The following ANAPC1 variants were observed in gnomAD, a reference collection of about 807,000 sequenced individuals.
The protein encoded by ANAPC1 is anaphase-promoting complex subunit 1.
A neutral mutation model predicts 208.0 loss-of-function variants in ANAPC1; 36 were observed. The observed-to-expected ratio is 0.17, with a 90% CI of 0.13 to 0.23. The LOEUF (loss-of-function observed/expected upper bound fraction) is 0.23. Ranked by LOEUF, ANAPC1 falls within the 10% of genes least tolerant of loss-of-function variation. The probability of loss-of-function intolerance (pLI) is 1.00; values close to 1 mark genes in which losing one functional copy is unlikely to be tolerated. For synonymous variants in ANAPC1, 378 were observed against 695.2 expected (o/e 0.54, Z 7.18); for missense variants, 942 against 2,011.6 (o/e 0.47, Z 10.17).
At chr2:111,784,287 C>A (rs763448886) in intron 41 of ANAPC1, 36 bp downstream of exon 41, 1 of 1,613,968 alleles carries the variant, frequency 6.2e-7, no homozygotes, top group Admixed American at 1.7e-5. Context: ...GTTGAATTGA[C>A]CCCTTGGACC....
chr2:111,834,221 T>C (rs1169218756), intron 19 of ANAPC1, among the ~76,000 whole-genome samples: 2 of 152,226 alleles, frequency 1.3e-5, no homozygotes, highest in Non-Finnish European at 2.9e-5. Context: ...TTTGAGACTT[T>C]ACATGTAAAC....
intron 47 of ANAPC1, 27 bp downstream of exon 47, chr2:111,772,314 G>A (rs772774311): frequency 9.3e-6 from 15 of 1,613,868 alleles, no homozygotes; most frequent in African/African-American, 5.3e-5. Flanking sequence ...CAGAGTTACT[G>A]AAGATAAGAC....
intron 13 of ANAPC1, among the ~76,000 whole-genome samples, chr2:111,855,142 G>A (rs1391739279): frequency 1.3e-5 from 2 of 152,168 alleles, no homozygotes; most frequent in Non-Finnish European, 2.9e-5. Context: ...AGTGAGGCAG[G>A]AGGAGACAGA....
At chr2:111,881,882 A>G (rs1436705920) in intron 1 of ANAPC1, among the ~76,000 whole-genome samples, 3 of 151,946 alleles carry the variant, frequency 2.0e-5, no homozygotes, top group African/African-American at 7.3e-5. Flanking sequence ...TTAACCCACT[A>G]CCCTCTCTTT....
At chr2:111,816,071 T>C (rs1372359079) in intron 27 of ANAPC1, among the ~76,000 whole-genome samples, 1 of 150,992 alleles carries the variant, frequency 6.6e-6, no homozygotes, top group African/African-American at 2.4e-5. Flanking sequence ...TTCTATCCTA[T>C]ATTTTCCCCT....
chr2:111,795,317 G>A (rs1359295310), intron 34 of ANAPC1, among the ~76,000 whole-genome samples: 5 of 151,380 alleles, frequency 3.3e-5, no homozygotes, highest in Non-Finnish European at 5.9e-5. Context: ...GGGAGGTGCA[G>A]GATGCAGTGA....
intron 18 of ANAPC1, 61 bp from the exon 19 acceptor site, chr2:111,834,933 A>C (rs1472668682): frequency 3.9e-6 from 5 of 1,273,884 alleles, no homozygotes; most frequent in Non-Finnish European, 4.1e-6. Context: ...ATATCATAAG[A>C]AAATTAATTC....
At chr2:111,853,079 C>T (rs1054961183) in intron 13 of ANAPC1, among the ~76,000 whole-genome samples, 10 of 152,194 alleles carry the variant, frequency 6.6e-5, no homozygotes, top group Non-Finnish European at 1.3e-4. Flanking sequence ...TTATAAAATA[C>T]TCAAGGGTGC....
chr2:111,826,892 C>T (rs1275147857), intron 21 of ANAPC1, among the ~76,000 whole-genome samples: 1 of 152,144 alleles, frequency 6.6e-6, no homozygotes, highest in Non-Finnish European at 1.5e-5. Context: ...ATCTCCTGAC[C>T]TCGTGATCCG....
At chr2:111,766,971 T>C (rs1295127057), downstream of ANAPC1, 1 of 470,356 alleles carries the variant, frequency 2.1e-6, no homozygotes, top group African/African-American at 2.0e-5. Context: ...TCAACCTGAG[T>C]CTCCTGCTAG....
At chr2:111,872,414 G>A (rs1453370053) in intron 6 of ANAPC1, among the ~76,000 whole-genome samples, 1 of 152,082 alleles carries the variant, frequency 6.6e-6, no homozygotes, top group Non-Finnish European at 1.5e-5. Flanking sequence ...CATTTCCTTT[G>A]AGTGTCATGC....
At chr2:111,829,406 G>A (rs756917427) in intron 21 of ANAPC1, among the ~76,000 whole-genome samples, 1 of 152,078 alleles carries the variant, frequency 6.6e-6, no homozygotes, top group African/African-American at 2.4e-5. Flanking sequence ...AGGGCAGGGG[G>A]CAAAGACATT....
chr2:111,841,341 T>C (rs1253081465), intron 17 of ANAPC1, among the ~76,000 whole-genome samples: 2 of 151,156 alleles, frequency 1.3e-5, no homozygotes, highest in Admixed American at 6.6e-5. Context: ...GTAAAACATA[T>C]AGTATATTAT....
chr2:111,769,961 C>T (rs1377091813), intron 47 of ANAPC1, among the ~76,000 whole-genome samples: 10 of 152,002 alleles, frequency 6.6e-5, no homozygotes, highest in African/African-American at 1.7e-4. Flanking sequence ...GGATTACAGG[C>T]GTGAGCCACT....
At chr2:111,840,555 GTT>G (rs1680708002) in intron 17 of ANAPC1, among the ~76,000 whole-genome samples, 2 of 152,106 alleles carry the variant, frequency 1.3e-5, no homozygotes, top group Admixed American at 1.3e-4. Flanking sequence ...AGGGGCATAG[GTT>G]CTCTGCCAGA....
intron 2 of ANAPC1, among the ~76,000 whole-genome samples, chr2:111,879,551 C>A (rs1183187515): frequency 2.0e-5 from 3 of 152,200 alleles, no homozygotes; most frequent in Admixed American, 6.5e-5. Context: ...TTCTGACACA[C>A]ACTTAACATC....
chr2:111,782,559 T>C, intron 42 of ANAPC1, 52 bp from the exon 43 acceptor site: 4 of 1,608,430 alleles, frequency 2.5e-6, no homozygotes, highest in Non-Finnish European at 3.4e-6. Context: ...AGTTCTTGGC[T>C]GGAAATAGTG....
intron 1 of ANAPC1, among the ~76,000 whole-genome samples, chr2:111,882,889 A>C (rs569488284): frequency 1.2e-3 from 187 of 151,310 alleles, no homozygotes; most frequent in African/African-American, 4.3e-3. Context: ...TACAAGGGGC[A>C]GGGCGTGGTG....
At chr2:111,868,378 T>C (rs1312149208) in intron 6 of ANAPC1, among the ~76,000 whole-genome samples, 2 of 152,148 alleles carry the variant, frequency 1.3e-5, no homozygotes, top group African/African-American at 4.8e-5. Flanking sequence ...ACAGAACAAA[T>C]GGAGTAATGT....
Sources: gnomAD v4.1 joint callset for allele counts (sites outside exome capture counted in the v4.1 genomes callset) on GRCh38, gnomAD v4.1.1 for gene constraint, MANE v1.5 for transcripts, NCBI Gene and HGNC (gene_info 2026-07-23, HGNC 2026-07-21) for gene names.